Variants in CHST11 observed in about 807,000 individuals in gnomAD.
The protein encoded by CHST11 is carbohydrate sulfotransferase 11, also known as C4S-1.
CHST11 carries 9 observed loss-of-function variants against 30.4 expected under a neutral mutation model. The observed-to-expected ratio is 0.30, with a 90% CI of 0.18 to 0.52. The LOEUF is 0.52. Ranked by LOEUF, CHST11 falls within the 20% of genes least tolerant of loss-of-function variation. The probability of loss-of-function intolerance (pLI) is 0.97; values close to 1 mark genes in which losing one functional copy is unlikely to be tolerated. For missense variants in CHST11, 348 were observed against 460.6 expected (o/e 0.76, Z 2.24); for synonymous variants, 152 against 187.8 (o/e 0.81, Z 1.56).
At chr12:104,634,519 G>A (rs548356310) in intron 2 of CHST11, among the ~76,000 whole-genome samples, 17 of 152,330 alleles carry the variant, frequency 1.1e-4, no homozygotes, top group African/African-American at 3.8e-4. Context: ...CCTTTGCCAC[G>A]TGCCCGACAC....
At chr12:104,582,270 C>T (rs1015030460) in intron 1 of CHST11, among the ~76,000 whole-genome samples, 2 of 152,126 alleles carry the variant, frequency 1.3e-5, no homozygotes, top group Non-Finnish European at 2.9e-5. Context: ...GAAGATCACT[C>T]TGCTGGCCAG....
chr12:104,574,597 A>T (rs1428019845), intron 1 of CHST11, among the ~76,000 whole-genome samples: 17 of 152,204 alleles, frequency 1.1e-4, no homozygotes, highest in Middle Eastern at 6.8e-3. Context: ...TTCTCAGCAA[A>T]CTATCGCAAG....
At chr12:104,554,480 C>T (rs1274372961) in intron 1 of CHST11, among the ~76,000 whole-genome samples, 1 of 152,188 alleles carries the variant, frequency 6.6e-6, no homozygotes, top group African/African-American at 2.4e-5. Flanking sequence ...GGTATTACTG[C>T]TCCTGGTGAT....
intron 1 of CHST11, among the ~76,000 whole-genome samples, chr12:104,534,309 T>C (rs2038215000): frequency 6.6e-6 from 1 of 152,208 alleles, no homozygotes; most frequent in South Asian, 2.1e-4. Flanking sequence ...CAGTGTGATA[T>C]GGGCCACAAA....
At chr12:104,686,873 C>T (rs2039851632) in intron 2 of CHST11, among the ~76,000 whole-genome samples, 1 of 152,220 alleles carries the variant, frequency 6.6e-6, no homozygotes, top group African/African-American at 2.4e-5. Context: ...GTCTCAAACT[C>T]CTGACCTCAG....
At chr12:104,521,106 G>A (rs1340342238) in intron 1 of CHST11, among the ~76,000 whole-genome samples, 2 of 152,194 alleles carry the variant, frequency 1.3e-5, no homozygotes, top group Admixed American at 1.3e-4. Flanking sequence ...CAGTGAAGTT[G>A]CTCAATACAT....
intron 2 of CHST11, among the ~76,000 whole-genome samples, chr12:104,723,650 C>G (rs938945114): frequency 6.6e-6 from 1 of 152,076 alleles, no homozygotes; most frequent in African/African-American, 2.4e-5. Context: ...GAGGTGGTGC[C>G]CAAATTAGAC....
Position 104,648,615 on chromosome 12 carries a change from G to A in CHST11, c.204+46624G>A, listed in dbSNP as rs572354775. 5.9e-5 allele frequency among the ~76,000 whole-genome samples: 9 copies of A among 152,180 alleles called. No homozygotes were observed. In the East Asian group the frequency reaches 1.4e-3, roughly 23 times the overall value. On this transcript the variant is annotated intron_variant, in intron 2 of 2. Transcript: ENST00000303694. ...ACTTGCGGTCAGGAGTTCGAGACCA[G>A]CCTGGCTAACATGGAGAAACCCCAT...
intron 2 of CHST11, among the ~76,000 whole-genome samples, chr12:104,669,538 C>T (rs1430742115): frequency 2.0e-5 from 3 of 152,144 alleles, no homozygotes; most frequent in Admixed American, 1.3e-4. Flanking sequence ...CATTCATAAA[C>T]GTTAATTGGG....
chr12:104,707,419 G>A lies in CHST11; in HGVS notation c.205-49530G>A, dbSNP rs138004831. ...TGAAATAGAAAAAATAAAAAATAGC[G>A]CACACTACACATGGTAAGGATAACT... On this transcript the variant is annotated intron_variant, in intron 2 of 2. Transcript: ENST00000303694. Among the ~76,000 whole-genome samples, 38 of 152,210 alleles carry A rather than the reference G, an allele frequency of 2.5e-4. No homozygotes were observed. The East Asian group carries it at 5.0e-3, about 20-fold the overall frequency.
chr12:104,473,016 A>G (rs1047187001), intron 1 of CHST11, among the ~76,000 whole-genome samples: 8 of 152,224 alleles, frequency 5.3e-5, no homozygotes, highest in Admixed American at 2.0e-4. Flanking sequence ...ATGGCTCTGA[A>G]TGCTCTAAAG....
intron 1 of CHST11, among the ~76,000 whole-genome samples, chr12:104,584,259 TTC>T (rs1316563353): frequency 7.1e-5 from 4 of 56,126 alleles, no homozygotes; most frequent in African/African-American, 2.5e-4. Flanking sequence ...TTTCTCTTTC[TTC>T]TTTTTTTTTT....
At chr12:104,704,811 G>T (rs890727697) in intron 2 of CHST11, among the ~76,000 whole-genome samples, 4 of 152,160 alleles carry the variant, frequency 2.6e-5, no homozygotes, top group African/African-American at 9.6e-5. Context: ...TGGCCCCGAG[G>T]TATGGAGGAA....
At chr12:104,612,695 G>T (rs1219152795) in intron 2 of CHST11, among the ~76,000 whole-genome samples, 1 of 152,168 alleles carries the variant, frequency 6.6e-6, no homozygotes, top group Non-Finnish European at 1.5e-5. Flanking sequence ...AAGGATCAGG[G>T]TTGGCAGGGA....
At position 104,491,134 on chromosome 12, in the gene CHST11, T is replaced by C. The variant is rs117897532; in HGVS notation, c.118+33605T>C. Among the ~76,000 whole-genome samples, 1,048 of 152,190 alleles carry C rather than the reference T, an allele frequency of 6.9e-3. 10 individuals carry two copies. The highest frequency in any genetic ancestry group is 0.04 in the South Asian group (192 of 4,814). ...AGGGCCCGTCACATTCAGAGAAGAT[T>C]CTAGGTTCTCTACAAGTATCCTCTC... On this transcript the variant is annotated intron_variant, in intron 1 of 2. Coordinates refer to ENST00000303694, the MANE Select transcript of CHST11 (RefSeq NM_018413.6).
At chr12:104,536,453 A>T (rs920764148) in intron 1 of CHST11, among the ~76,000 whole-genome samples, 1 of 152,218 alleles carries the variant, frequency 6.6e-6, no homozygotes, top group Non-Finnish European at 1.5e-5. Flanking sequence ...GCAGAATCTC[A>T]GGCCTCACTT....
chr12:104,481,223 C>G (rs11112075), intron 1 of CHST11, among the ~76,000 whole-genome samples: 2 of 152,140 alleles, frequency 1.3e-5, no homozygotes, highest in African/African-American at 4.8e-5. Context: ...CCTGCCTGGT[C>G]CCACTTCCTT....
chr12:104,708,092 A>T (rs992316650), intron 2 of CHST11, among the ~76,000 whole-genome samples: 24 of 152,096 alleles, frequency 1.6e-4, no homozygotes, highest in African/African-American at 5.8e-4. Flanking sequence ...CCCCGGGGAG[A>T]TTGTCGGGCC....
intron 1 of CHST11, among the ~76,000 whole-genome samples, chr12:104,584,005 A>G (rs2038776079): frequency 6.6e-6 from 1 of 151,304 alleles, no homozygotes; most frequent in Non-Finnish European, 1.5e-5. Flanking sequence ...GAGCCACCGC[A>G]CCCCGTCCAA....
Sources: gnomAD v4.1 joint callset for allele counts (sites outside exome capture counted in the v4.1 genomes callset) on GRCh38, gnomAD v4.1.1 for gene constraint, MANE v1.5 for transcripts, NCBI Gene and HGNC (gene_info 2026-07-23, HGNC 2026-07-21) for gene names.